Variants in KCTD14 observed in about 807,000 individuals in gnomAD.
The protein encoded by KCTD14 is potassium channel tetramerization domain containing 14.
Under a neutral mutation model 5.9 loss-of-function variants are expected in KCTD14, and 7 were observed. The observed-to-expected ratio is 1.19, with a 90% CI of 0.68 to 2.23. The LOEUF (loss-of-function observed/expected upper bound fraction) is 2.23. Among genes scored for constraint, KCTD14 ranks in the 30% most tolerant of loss-of-function variants. The pLI is 0.00. For synonymous variants in KCTD14, 140 were observed against 133.1 expected, an observed-to-expected ratio of 1.05 and a Z score of -0.36; for missense variants, 342 against 332.2, an observed-to-expected ratio of 1.03 and a Z score of -0.23.
intron 1 of KCTD14, among the ~76,000 whole-genome samples, chr11:78,045,543 T>C (rs568376912): frequency 1.2e-4 from 19 of 152,240 alleles, no homozygotes; most frequent in Non-Finnish European, 2.2e-4. Flanking sequence ...ACAAAGGCAG[T>C]TGAGTTTTGG....
chr11:78,017,751 C>A (rs1444759738), intron 1 of KCTD14, among the ~76,000 whole-genome samples: 1 of 152,052 alleles, frequency 6.6e-6, no homozygotes, highest in Non-Finnish European at 1.5e-5. Flanking sequence ...AGAAAGATTT[C>A]TGTTTGAAAA....
At chr11:78,043,816 A>G (rs534217774) in intron 1 of KCTD14, among the ~76,000 whole-genome samples, 128 of 152,292 alleles carry the variant, frequency 8.4e-4, no homozygotes, top group Non-Finnish European at 1.5e-3. Context: ...TCTTGGGTGG[A>G]TCCTCTGAGG....
intron 1 of KCTD14, among the ~76,000 whole-genome samples, chr11:78,018,827 G>C (rs1471487778): frequency 6.6e-6 from 1 of 152,134 alleles, no homozygotes; most frequent in Non-Finnish European, 1.5e-5. Context: ...GGGTGAAGTA[G>C]GAGGGACAAT....
At position 78,016,973 on chromosome 11, in the gene KCTD14, C is replaced by T. The variant is rs1254589639; in HGVS notation, c.388G>A (p.Gly130Ser). The T allele has an allele frequency of 1.2e-6, 2 of 1,614,204 alleles. No individual in the cohort carries two copies. The highest frequency in any genetic ancestry group is 1.7e-5 in the Admixed American group (1 of 60,018). Residue 130 changes from glycine (G) to serine (S), a missense_variant, in exon 2 of 2, where the codon GGT becomes AGT. Coordinates refer to ENST00000353172, the MANE Select transcript of KCTD14 (RefSeq NM_023930.4). Reference sequence around the variant, plus strand: ...AACTGCTTCCGAGACACCTGCTCACCAAAGATCTGTGGCATGTCCTCCAGC... The same window carrying T: ...AACTGCTTCCGAGACACCTGCTCACTAAAGATCTGTGGCATGTCCTCCAGC... ...KLLEDMPQIF[G>S]EQVSRKQFLL...
chr11:78,042,742 G>C (rs1858028399), intron 1 of KCTD14, among the ~76,000 whole-genome samples: 1 of 152,188 alleles, frequency 6.6e-6, no homozygotes, highest in African/African-American at 2.4e-5. Flanking sequence ...GCAAGAGAAA[G>C]GGAAAAGTTC....
At chr11:78,025,436 C>T (rs1442590118), upstream of KCTD14, among the ~76,000 whole-genome samples, 1 of 152,100 alleles carries the variant, frequency 6.6e-6, no homozygotes, top group Non-Finnish European at 1.5e-5. Context: ...CTTTCCCAGA[C>T]CACTGACTCA....
At chr11:78,035,865 A>AAAC (rs1340584812) in intron 2 of KCTD14, among the ~76,000 whole-genome samples, 3 of 137,020 alleles carry the variant, frequency 2.2e-5, no homozygotes, top group South Asian at 2.3e-4. Flanking sequence ...AAAAAAAAAA[A>AAAC]CAGTCCCTTC....
intron 2 of KCTD14, among the ~76,000 whole-genome samples, chr11:78,030,315 C>T (rs559773520): frequency 1.3e-5 from 2 of 152,250 alleles, no homozygotes; most frequent in East Asian, 3.9e-4. Context: ...CCCAAGGCTC[C>T]CAGAGATGAA....
rs1285030153 is a variant in KCTD14, at chr11:78,044,919, C to T, written c.-96+1142G>A. On this transcript the variant is annotated intron_variant, in intron 1 of 2. Transcript: ENST00000533144. ...ATATTTCCTTGGTGTGGGCTGTCCA[C>T]ATGCACAGTGGCCTGCCAGCACTTG... 4.6e-5 allele frequency among the ~76,000 whole-genome samples: 7 copies of T among 152,246 alleles called. No homozygotes were observed. The East Asian group carries it at 9.6e-4, about 21-fold the overall frequency.
At chr11:78,037,682 G>A (rs1857850643) in intron 2 of KCTD14, among the ~76,000 whole-genome samples, 2 of 152,134 alleles carry the variant, frequency 1.3e-5, no homozygotes, top group African/African-American at 2.4e-5. Flanking sequence ...AGCCGGGTGT[G>A]GTGGTGGGTG....
Position 78,030,168 on chromosome 11 carries a change from T to C in KCTD14, c.-1+8496A>G, listed in dbSNP as rs544585809. Among the ~76,000 whole-genome samples, 26 of 151,900 alleles carry C rather than the reference T, an allele frequency of 1.7e-4. No individual in the cohort carries two copies. The South Asian group carries it at 2.3e-3, about 13-fold the overall frequency. ...ATATAAAACCTGCTTGCTTCTTTTT[T>C]CCCCCCCTCCAATTGCATGTTCTTT... On this transcript the variant is annotated intron_variant, in intron 2 of 2. Transcript: ENST00000533144.
At chr11:78,022,340 T>G (rs1188069624) in intron 1 of KCTD14, among the ~76,000 whole-genome samples, 1 of 152,052 alleles carries the variant, frequency 6.6e-6, no homozygotes, top group Admixed American at 6.6e-5. Context: ...TAGTATTCTG[T>G]TCAAGGCCAA....
At chr11:78,025,079 T>TAC (rs1474920816), upstream of KCTD14, among the ~76,000 whole-genome samples, 25 of 143,534 alleles carry the variant, frequency 1.7e-4, no homozygotes, top group Middle Eastern at 3.6e-3. Context: ...CACACATATA[T>TAC]ACACACGTGT....
In KCTD14 at chr11:78,016,427, A is replaced by G; in HGVS notation, c.*166T>C. 2 of 623,244 alleles carry G rather than the reference A, an allele frequency of 3.2e-6. No homozygotes were observed. Among genetic ancestry groups the G allele is most frequent in the Non-Finnish European group, 5.6e-6 (2 of 358,992 alleles). The allele number at this position is 623,244 out of a possible 1,614,324, so 38.6% of individuals were successfully genotyped here. On this transcript the variant is annotated 3_prime_UTR_variant, in exon 2 of 2. Coordinates refer to ENST00000353172, the MANE Select transcript of KCTD14 (RefSeq NM_023930.4). Reference sequence around the variant, plus strand: ...AGGCAAATATAGTGGCATCAGTTGCAATGGAGTGGAAAGTCCTTAAACGAG... The same window carrying G: ...AGGCAAATATAGTGGCATCAGTTGCGATGGAGTGGAAAGTCCTTAAACGAG...
intron 1 of KCTD14, among the ~76,000 whole-genome samples, chr11:78,042,984 T>C (rs1858035668): frequency 6.6e-6 from 1 of 152,254 alleles, no homozygotes; most frequent in Non-Finnish European, 1.5e-5. Flanking sequence ...GCCTGCTTCT[T>C]TACTGCACAC....
intron 2 of KCTD14, among the ~76,000 whole-genome samples, chr11:78,029,846 A>G (rs1357530865): frequency 6.6e-6 from 1 of 151,736 alleles, no homozygotes; most frequent in East Asian, 1.9e-4. Context: ...CAGTAGCGCA[A>G]TCTCGGCTCA....
intron 1 of KCTD14, among the ~76,000 whole-genome samples, chr11:78,019,754 T>C (rs1477203476): frequency 2.6e-5 from 4 of 152,228 alleles, no homozygotes; most frequent in Non-Finnish European, 4.4e-5. Flanking sequence ...AACTGCGAAG[T>C]GCAGTGCAAA....
chr11:78,023,382 C>T (rs1857361056), upstream of KCTD14: 2 of 822,486 alleles, frequency 2.4e-6, no homozygotes, highest in Non-Finnish European at 3.8e-6. Context: ...AAGAAATGGA[C>T]AGTCTGTCTA....
intron 2 of KCTD14, among the ~76,000 whole-genome samples, chr11:78,034,561 G>A (rs1394142127): frequency 2.0e-5 from 3 of 151,618 alleles, no homozygotes; most frequent in Non-Finnish European, 4.4e-5. Context: ...GTCATGTGTG[G>A]AGGACAGATT....
Sources: allele counts gnomAD v4.1 joint callset (sites outside exome capture counted in the v4.1 genomes callset), GRCh38; gene constraint gnomAD v4.1.1; transcripts MANE v1.5; gene names NCBI Gene and HGNC (gene_info 2026-07-23, HGNC 2026-07-21).